Variants in ZDHHC7 observed in about 807,000 individuals in gnomAD.
ZDHHC7 encodes palmitoyltransferase ZDHHC7.
In ZDHHC7, 12 loss-of-function variants were observed where a neutral mutation model predicts 34.1. The observed-to-expected ratio is 0.35, with a 90% CI of 0.23 to 0.57. The LOEUF is 0.57. Among genes scored for constraint, ZDHHC7 ranks in the 20% least tolerant of loss-of-function variants. The pLI is 0.84. For missense variants in ZDHHC7, 388 were observed against 402.7 expected (o/e 0.96, Z 0.31); for synonymous variants, 185 against 155.4 (o/e 1.19, Z -1.42).
the ZDHHC7 span, among the ~76,000 whole-genome samples, chr16:85,021,138 G>T: frequency 6.6e-6 from 1 of 151,756 alleles, no homozygotes; most frequent in Non-Finnish European, 1.5e-5. Flanking sequence ...AGGGGGGGGT[G>T]CACAGTGGCT....
chr16:85,007,404 C>G (rs750627744), intron 1 of ZDHHC7, among the ~76,000 whole-genome samples: 27 of 119,484 alleles, frequency 2.3e-4, no homozygotes, highest in Non-Finnish European at 4.2e-4. Flanking sequence ...GCCTGGGCAA[C>G]AGAGCGATAC....
intron 1 of ZDHHC7, among the ~76,000 whole-genome samples, chr16:85,000,074 A>C (rs763261816): frequency 1.3e-4 from 19 of 151,286 alleles, no homozygotes; most frequent in Non-Finnish European, 2.5e-4. Flanking sequence ...TCGGAGGTCG[A>C]GGCTGCAGTG....
At chr16:84,981,679 T>G (rs1445013695) in intron 4 of ZDHHC7, among the ~76,000 whole-genome samples, 191 bp downstream of exon 4, 1 of 152,110 alleles carries the variant, frequency 6.6e-6, no homozygotes, top group Non-Finnish European at 1.5e-5. Context: ...CCAAAAAGAC[T>G]CTAGGGCACC....
intron 1 of ZDHHC7, among the ~76,000 whole-genome samples, chr16:84,997,947 A>C (rs1021079701): frequency 6.6e-6 from 1 of 150,564 alleles, no homozygotes; most frequent in Non-Finnish European, 1.5e-5. Flanking sequence ...GAGAACTAGA[A>C]GACAGAGAGA....
At chr16:85,013,463 G>C (rs1238334302), upstream of ZDHHC7, among the ~76,000 whole-genome samples, 3 of 151,978 alleles carry the variant, frequency 2.0e-5, no homozygotes, top group Admixed American at 1.3e-4. Flanking sequence ...GGCTGGTCTT[G>C]AACTCCTGAC....
At chr16:84,979,506 G>A (rs1009877154) in intron 4 of ZDHHC7, among the ~76,000 whole-genome samples, 10 of 152,088 alleles carry the variant, frequency 6.6e-5, no homozygotes, top group Non-Finnish European at 1.2e-4. Context: ...AGCTTGGGGC[G>A]AAAGGTCAAA....
chr16:85,008,680 A>T (rs2072749685), intron 1 of ZDHHC7, among the ~76,000 whole-genome samples: 1 of 151,980 alleles, frequency 6.6e-6, no homozygotes. Flanking sequence ...GACCCTGGAG[A>T]CTAACTTTGG....
At chr16:84,998,664 C>T (rs2072614924) in intron 1 of ZDHHC7, among the ~76,000 whole-genome samples, 1 of 152,094 alleles carries the variant, frequency 6.6e-6, no homozygotes, top group Admixed American at 6.6e-5. Context: ...GTCGCTTTTC[C>T]CTCAAGCTTC....
At chr16:84,977,329 C>T in intron 6 of ZDHHC7, 104 bp from the exon 7 acceptor site, 1 of 1,457,376 alleles carries the variant, frequency 6.9e-7, no homozygotes, top group Non-Finnish European at 9.3e-7. Context: ...GGCCAGCTTC[C>T]AGGGGGAAGT....
intron 2 of ZDHHC7, among the ~76,000 whole-genome samples, chr16:84,991,778 T>TAG (rs887204713): frequency 3.3e-5 from 5 of 152,058 alleles, no homozygotes; most frequent in Admixed American, 3.3e-4. Flanking sequence ...GGATTACAGG[T>TAG]AGAGCCACCA....
intron 1 of ZDHHC7, among the ~76,000 whole-genome samples, chr16:85,001,638 T>C (rs918089385): frequency 6.6e-6 from 1 of 152,066 alleles, no homozygotes; most frequent in African/African-American, 2.4e-5. Flanking sequence ...TATACACACA[T>C]GGGTTAGCAT....
At chr16:85,012,550 G>A (rs936463779), upstream of ZDHHC7, among the ~76,000 whole-genome samples, 9 of 151,946 alleles carry the variant, frequency 5.9e-5, no homozygotes, top group Non-Finnish European at 1.3e-4. Context: ...CCCATAAGAC[G>A]AGATAACCCA....
chr16:84,992,076 T>C (rs2072516872), intron 2 of ZDHHC7, among the ~76,000 whole-genome samples: 1 of 150,952 alleles, frequency 6.6e-6, no homozygotes, highest in African/African-American at 2.4e-5. Flanking sequence ...CTCGGGAGGC[T>C]GAGGCAGGAG....
chr16:84,981,036 G>A (rs1483091748), intron 4 of ZDHHC7, among the ~76,000 whole-genome samples: 1 of 152,198 alleles, frequency 6.6e-6, no homozygotes, highest in African/African-American at 2.4e-5. Context: ...CGACCCCCCA[G>A]GAGAAGGGCA....
intron 2 of ZDHHC7, among the ~76,000 whole-genome samples, chr16:84,991,493 G>A (rs2072509340): frequency 6.6e-6 from 1 of 152,056 alleles, no homozygotes; most frequent in African/African-American, 2.4e-5. Flanking sequence ...TCACCATGTT[G>A]GCCAGGCTGG....
chr16:84,988,093 C>T (rs2072460539), intron 3 of ZDHHC7, among the ~76,000 whole-genome samples: 1 of 152,124 alleles, frequency 6.6e-6, no homozygotes, highest in Admixed American at 6.5e-5. Context: ...TGGCATGAAC[C>T]CCTGGGGGCG....
chr16:85,017,721 C>T, the ZDHHC7 span, among the ~76,000 whole-genome samples: 1 of 152,140 alleles, frequency 6.6e-6, no homozygotes, highest in Non-Finnish European at 1.5e-5. Context: ...GGACCTCAAC[C>T]CCAGCTGGTG....
At chr16:85,018,774 T>C in the ZDHHC7 span, among the ~76,000 whole-genome samples, 1 of 152,028 alleles carries the variant, frequency 6.6e-6, no homozygotes. Flanking sequence ...TTCAAGTAGA[T>C]GCTGGCAGGG....
chr16:85,020,877 G>A, the ZDHHC7 span, among the ~76,000 whole-genome samples: 32 of 152,220 alleles, frequency 2.1e-4, no homozygotes, highest in African/African-American at 7.5e-4. Context: ...GGCTGAGCGG[G>A]GAGGATTACC....
Sources: allele counts gnomAD v4.1 joint callset (sites outside exome capture counted in the v4.1 genomes callset), GRCh38; gene constraint gnomAD v4.1.1; transcripts MANE v1.5; gene names NCBI Gene and HGNC (gene_info 2026-07-23, HGNC 2026-07-21).